Variants in HMGA2 observed in about 807,000 individuals in gnomAD.
HMGA2 encodes high mobility group AT-hook 2.
Under a neutral mutation model 19.1 loss-of-function variants are expected in HMGA2, and 8 were observed. The observed-to-expected ratio is 0.42, with a 90% CI of 0.25 to 0.76. The LOEUF is 0.76. Ranked by LOEUF, HMGA2 falls within the 30% of genes least tolerant of loss-of-function variation. The pLI, the probability that HMGA2 is intolerant of heterozygous loss-of-function variation, is 0.28. For synonymous variants in HMGA2, 60 were observed against 48.8 expected (o/e 1.23, Z -0.96); for missense variants, 109 against 136.3 (o/e 0.80, Z 1.00).
chr12:65,929,925 T>C (rs1313467245), intron 3 of HMGA2, among the ~76,000 whole-genome samples: 1 of 152,094 alleles, frequency 6.6e-6, no homozygotes, highest in Non-Finnish European at 1.5e-5. Context: ...ACATATTAAG[T>C]ATGGGATATG....
intron 3 of HMGA2, among the ~76,000 whole-genome samples, chr12:65,943,541 A>G (rs1358665667): frequency 6.6e-6 from 1 of 152,212 alleles, no homozygotes; most frequent in Non-Finnish European, 1.5e-5. Context: ...ATAATAATCC[A>G]ATAAATACTT....
At chr12:65,834,483 T>G (rs976322451) in intron 2 of HMGA2, among the ~76,000 whole-genome samples, 5 of 152,052 alleles carry the variant, frequency 3.3e-5, no homozygotes, top group African/African-American at 1.2e-4. Flanking sequence ...GACACACATA[T>G]AAACACTTTT....
intron 3 of HMGA2, among the ~76,000 whole-genome samples, chr12:65,855,469 C>CAT (rs1373524562): frequency 6.6e-6 from 1 of 151,102 alleles, no homozygotes; most frequent in Non-Finnish European, 1.5e-5. Context: ...CACACACACA[C>CAT]ACACACACAC....
Position 65,824,733 on chromosome 12 carries a change from C to G in HMGA2, c.-538C>G, listed in dbSNP as rs112210993. 0.026 allele frequency: 4,658 copies of G among 179,012 alleles called. 170 individuals carry two copies. The highest frequency in any genetic ancestry group is 0.13 in the African/African-American group (3,117 of 24,698). The allele number at this position is 179,012 out of a possible 1,614,324, so 11.1% of individuals were successfully genotyped here. A position where few individuals can be genotyped will look rare whatever the true frequency, so the allele number is the denominator to read the frequency against. ...ATCTCTTCTCTCTCTCTCTCTCTCT[C>G]TCTCTCTCTCTCTCTCTCTCTCTCT... On this transcript the variant is annotated 5_prime_UTR_variant, in exon 1 of 5. Transcript: ENST00000403681.
chr12:65,907,649 G>A (rs1354614965), intron 3 of HMGA2, among the ~76,000 whole-genome samples: 3 of 152,134 alleles, frequency 2.0e-5, no homozygotes, highest in Admixed American at 6.5e-5. Context: ...GAAAGATAGG[G>A]TGGCCACTTA....
chr12:65,919,930 C>T (rs1875243531), intron 3 of HMGA2, among the ~76,000 whole-genome samples: 1 of 152,204 alleles, frequency 6.6e-6, no homozygotes, highest in Admixed American at 6.5e-5. Context: ...AAGATGGACT[C>T]TGAAGTCCAT....
intron 3 of HMGA2, among the ~76,000 whole-genome samples, chr12:65,892,718 T>C (rs1336527573): frequency 6.6e-6 from 1 of 152,116 alleles, no homozygotes; most frequent in Non-Finnish European, 1.5e-5. Flanking sequence ...AAGTCTGGCA[T>C]AGCACTTTTT....
chr12:65,828,895 G>C (rs1870352083), intron 2 of HMGA2: 1 of 152,138 alleles, frequency 6.6e-6, no homozygotes, highest in African/African-American at 2.4e-5. Context: ...AGCTAGCAAA[G>C]AGGAACTATG....
intron 3 of HMGA2, among the ~76,000 whole-genome samples, chr12:65,879,207 T>A (rs1321426366): frequency 6.6e-6 from 1 of 152,196 alleles, no homozygotes; most frequent in Non-Finnish European, 1.5e-5. Flanking sequence ...GGCTCACTGC[T>A]GCCTTGATTT....
At chr12:65,887,329 T>C (rs1873699684) in intron 3 of HMGA2, among the ~76,000 whole-genome samples, 1 of 152,238 alleles carries the variant, frequency 6.6e-6, no homozygotes, top group Non-Finnish European at 1.5e-5. Flanking sequence ...GCTTCATCCC[T>C]GTAATCCCAG....
intron 1 of HMGA2, chr12:65,826,066 G>C (rs1473675726): frequency 6.6e-6 from 1 of 152,384 alleles, no homozygotes; most frequent in Admixed American, 6.5e-5. Context: ...CCCGCAGGAC[G>C]GGGTTAACTC....
At chr12:65,962,151 T>G (rs1276075871) in intron 4 of HMGA2, among the ~76,000 whole-genome samples, 5 of 152,236 alleles carry the variant, frequency 3.3e-5, no homozygotes, top group African/African-American at 1.2e-4. Context: ...CCAGATCTTT[T>G]TCACATGCCG....
intron 3 of HMGA2, among the ~76,000 whole-genome samples, chr12:65,927,819 C>T (rs1342439639): frequency 1.4e-5 from 2 of 139,904 alleles, no homozygotes; most frequent in African/African-American, 5.4e-5. Flanking sequence ...CTGTCTCTCT[C>T]TCTCTTTGTA....
chr12:65,938,151 T>C (rs1875960604), intron 3 of HMGA2, among the ~76,000 whole-genome samples: 1 of 152,162 alleles, frequency 6.6e-6, no homozygotes, highest in African/African-American at 2.4e-5. Flanking sequence ...ACACTGCAAA[T>C]GGCTGTACCC....
At chr12:65,954,060 G>A (rs758708480) in intron 4 of HMGA2, 15 of 152,054 alleles carry the variant, frequency 9.9e-5, no homozygotes, top group Non-Finnish European at 1.8e-4. Flanking sequence ...ACAGACCTAC[G>A]TTTTTCTTTC....
In HMGA2 at chr12:65,964,386, C is replaced by T. The variant is rs1404864630; in HGVS notation, c.*1094C>T. ...ATTGTGTATCAGTTTCCATGAAAGA[C>T]CTGAATACCACTTACCTCAAATTAA... On this transcript the variant is annotated 3_prime_UTR_variant, in exon 5 of 5. Coordinates refer to ENST00000403681, the MANE Select transcript of HMGA2 (RefSeq NM_003483.6). 1.3e-5 allele frequency: 3 copies of T among 224,898 alleles called. No homozygotes were observed. Among genetic ancestry groups the T allele is most frequent in the African/African-American group, 2.2e-5 (1 of 44,788 alleles). The allele number at this position is 224,898 out of a possible 1,614,324, so 13.9% of individuals were successfully genotyped here.
At chr12:65,881,833 C>G (rs1565719930) in intron 3 of HMGA2, 1 of 702,934 alleles carries the variant, frequency 1.4e-6, no homozygotes, top group Admixed American at 2.0e-5. Flanking sequence ...CAGACACATT[C>G]CCTTCCTTGA....
chr12:65,945,401 G>T (rs1365335159), intron 3 of HMGA2, among the ~76,000 whole-genome samples: 1 of 152,062 alleles, frequency 6.6e-6, no homozygotes, highest in Non-Finnish European at 1.5e-5. Context: ...GCAAATTCTT[G>T]ATAATGGTCA....
intron 3 of HMGA2, among the ~76,000 whole-genome samples, chr12:65,945,649 A>T (rs778329563): frequency 6.6e-6 from 1 of 152,198 alleles, no homozygotes; most frequent in Non-Finnish European, 1.5e-5. Context: ...GCCCAACCAC[A>T]CAAGTCGAGG....
Sources: gnomAD v4.1 joint callset for allele counts (sites outside exome capture counted in the v4.1 genomes callset) on GRCh38, gnomAD v4.1.1 for gene constraint, MANE v1.5 for transcripts, NCBI Gene and HGNC (gene_info 2026-07-23, HGNC 2026-07-21) for gene names.